The following PMM2 variants were observed in gnomAD, a reference collection of about 807,000 sequenced individuals.
PMM2 encodes the protein phosphomannomutase 2.
A neutral mutation model predicts 33.2 loss-of-function variants in PMM2; 35 were observed. That is an observed-to-expected ratio of 1.06 (90% CI 0.81 to 1.40). The LOEUF (loss-of-function observed/expected upper bound fraction) is 1.40. Ranked by LOEUF, PMM2 falls within the 40% of genes most tolerant of loss-of-function variation. PMM2 has a pLI of 0.00. For synonymous variants in PMM2, 153 were observed against 114.7 expected, an observed-to-expected ratio of 1.33 and a Z score of -2.13; for missense variants, 386 against 306.0, an observed-to-expected ratio of 1.26 and a Z score of -1.95.
At chr16:8,835,486 A>G (rs1681523472) in intron 7 of PMM2, among the ~76,000 whole-genome samples, 1 of 152,048 alleles carries the variant, frequency 6.6e-6, no homozygotes, top group African/African-American at 2.4e-5. Flanking sequence ...TGAAGGGTGC[A>G]AAGGAATAGT....
intron 7 of PMM2, among the ~76,000 whole-genome samples, chr16:8,820,351 C>CTTTTTTTTTTTTTTTTTTTTTTT (rs545958069): frequency 7.5e-6 from 1 of 133,136 alleles, no homozygotes; most frequent in African/African-American, 3.1e-5. Context: ...CACAGTTCTT[C>CTTTTTTTTTTTTTTTTTTTTTTT]TTTTTTTTTT....
intron 7 of PMM2, among the ~76,000 whole-genome samples, chr16:8,845,649 G>A (rs1235511502): frequency 6.6e-6 from 1 of 151,844 alleles, no homozygotes; most frequent in East Asian, 1.9e-4. Context: ...TCTGTTCTTG[G>A]CTCACTGCAA....
At chr16:8,826,806 C>G (rs1001713118) in intron 7 of PMM2, among the ~76,000 whole-genome samples, 4 of 151,360 alleles carry the variant, frequency 2.6e-5, no homozygotes, top group Non-Finnish European at 5.9e-5. Flanking sequence ...GGTTTTTTTT[C>G]CCCATTTTAC....
intron 7 of PMM2, among the ~76,000 whole-genome samples, chr16:8,833,716 G>C (rs977894268): frequency 1.3e-5 from 2 of 151,502 alleles, no homozygotes; most frequent in Non-Finnish European, 2.9e-5. Flanking sequence ...TGATGGCCTG[G>C]ATACGGTTTT....
chr16:8,807,373 G>C (rs1483273800), intron 4 of PMM2, among the ~76,000 whole-genome samples: 2 of 152,092 alleles, frequency 1.3e-5, no homozygotes, highest in Non-Finnish European at 2.9e-5. Context: ...GGCTACTCCG[G>C]CTCCCAGTTC....
chr16:8,834,825 A>G (rs4328440), intron 7 of PMM2, among the ~76,000 whole-genome samples: 563 of 146,620 alleles, frequency 3.8e-3, no homozygotes, highest in Non-Finnish European at 6.5e-3. Flanking sequence ...AGAAGGAAAT[A>G]TGGGGAAATG....
intron 7 of PMM2, among the ~76,000 whole-genome samples, chr16:8,846,165 G>A (rs189176198): frequency 8.5e-5 from 13 of 152,264 alleles, no homozygotes; most frequent in East Asian, 5.8e-4. Flanking sequence ...GCCCAGCGAC[G>A]TTCCCTCCTG....
intron 7 of PMM2, among the ~76,000 whole-genome samples, chr16:8,845,130 C>A (rs1017219963): frequency 1.3e-5 from 2 of 152,150 alleles, no homozygotes; most frequent in Admixed American, 1.3e-4. Flanking sequence ...AAAAGAGAGT[C>A]GGCAAAGGGT....
At chr16:8,803,447 A>G (rs2060627175) in intron 2 of PMM2, among the ~76,000 whole-genome samples, 1 of 152,196 alleles carries the variant, frequency 6.6e-6, no homozygotes, top group Non-Finnish European at 1.5e-5. Context: ...CCTGTCAGAG[A>G]CATGCAACAA....
intron 7 of PMM2, 87 bp from the exon 8 acceptor site, chr16:8,847,637 T>C: frequency 2.1e-6 from 2 of 938,004 alleles, no homozygotes; most frequent in Non-Finnish European, 3.5e-6. Flanking sequence ...ATCTTGTTTT[T>C]TGGGTACTTT....
intron 7 of PMM2, chr16:8,832,402 G>C: frequency 1.0e-6 from 1 of 985,428 alleles, no homozygotes; most frequent in South Asian, 4.7e-5. Context: ...TTTATTAAGT[G>C]TCAGCGAGTT....
intron 7 of PMM2, among the ~76,000 whole-genome samples, chr16:8,819,349 TAA>T (rs2060724442): frequency 6.6e-6 from 1 of 152,212 alleles, no homozygotes; most frequent in African/African-American, 2.4e-5. Flanking sequence ...CATTTTTGTC[TAA>T]AGAGGGCAAA....
At chr16:8,816,326 A>G (rs2060707826) in intron 7 of PMM2, among the ~76,000 whole-genome samples, 1 of 151,626 alleles carries the variant, frequency 6.6e-6, no homozygotes, top group African/African-American at 2.4e-5. Flanking sequence ...GGGTTTCACC[A>G]TGTTGGCCAG....
At chr16:8,837,012 G>A (rs1452354443) in intron 7 of PMM2, among the ~76,000 whole-genome samples, 1 of 152,038 alleles carries the variant, frequency 6.6e-6, no homozygotes, top group Non-Finnish European at 1.5e-5. Flanking sequence ...GGATTATAGG[G>A]TGGAGGAGCG....
intron 7 of PMM2, among the ~76,000 whole-genome samples, chr16:8,836,041 A>AT (rs1567167652): frequency 6.6e-6 from 1 of 150,874 alleles, no homozygotes; most frequent in African/African-American, 2.4e-5. Context: ...TGCTTAAAAG[A>AT]GTAATGTCTA....
At chr16:8,818,617 C>T (rs1390553990) in intron 7 of PMM2, among the ~76,000 whole-genome samples, 3 of 152,192 alleles carry the variant, frequency 2.0e-5, no homozygotes, top group Non-Finnish European at 4.4e-5. Context: ...GGCCCTGAGG[C>T]TTAGCAGCCT....
At chr16:8,807,087 C>G (rs2060652052) in intron 4 of PMM2, 1 of 152,220 alleles carries the variant, frequency 6.6e-6, no homozygotes, top group Non-Finnish European at 1.5e-5. Context: ...ACCTCCGCCT[C>G]CCAGGTTCAA....
intron 7 of PMM2, among the ~76,000 whole-genome samples, chr16:8,822,524 C>T (rs181824795): frequency 6.6e-4 from 100 of 152,126 alleles, no homozygotes; most frequent in Non-Finnish European, 1.2e-3. Flanking sequence ...GGTCTGCATC[C>T]AGGAATGAAC....
intron 7 of PMM2, among the ~76,000 whole-genome samples, chr16:8,826,858 G>A (rs1423868388): frequency 1.3e-5 from 2 of 151,804 alleles, no homozygotes; most frequent in Admixed American, 1.3e-4. Context: ...TGCCATGCTT[G>A]GACTGTCTGA....
Sources: gnomAD v4.1 joint callset for allele counts (sites outside exome capture counted in the v4.1 genomes callset) on GRCh38, gnomAD v4.1.1 for gene constraint, MANE v1.5 for transcripts, NCBI Gene and HGNC (gene_info 2026-07-23, HGNC 2026-07-21) for gene names.